SSBP1: variants seen among roughly 807,000 people sequenced by gnomAD.
SSBP1 encodes single stranded DNA binding protein 1.
SSBP1 carries 20 observed loss-of-function variants against 27.0 expected under a neutral mutation model. That is an observed-to-expected ratio of 0.74 (90% CI 0.52 to 1.08). The LOEUF is 1.08. Among genes scored for constraint, SSBP1 ranks in the 50% least tolerant of loss-of-function variants. SSBP1 has a pLI of 0.00. For synonymous variants in SSBP1, 59 were observed against 59.3 expected (o/e 1.00, Z 0.02); for missense variants, 137 against 182.4 (o/e 0.75, Z 1.44).
chr7:141,743,081 C>G (rs970405265), intron 3 of SSBP1, among the ~76,000 whole-genome samples: 1 of 152,188 alleles, frequency 6.6e-6, no homozygotes, highest in African/African-American at 2.4e-5. Context: ...TCTCTCTCTC[C>G]TGACCTTGTG....
At chr7:141,745,701 T>G in intron 6 of SSBP1, 117 bp downstream of exon 6, 1 of 1,457,274 alleles carries the variant, frequency 6.9e-7, no homozygotes, top group Non-Finnish European at 9.1e-7. Context: ...TTAAGGCAAC[T>G]CACTAGAAGA....
chr7:141,747,206 C>CT (rs940292605), intron 6 of SSBP1, among the ~76,000 whole-genome samples: 4 of 151,832 alleles, frequency 2.6e-5, no homozygotes, highest in African/African-American at 9.7e-5. Context: ...ATAGATGGTG[C>CT]TTTTTTCACT....
rs1799758291 is a variant in SSBP1, at chr7:141,745,735, C to T, written c.403+151C>T. 12 of 1,381,182 alleles carry T rather than the reference C, an allele frequency of 8.7e-6. No homozygotes were observed. In the South Asian group the frequency reaches 2.0e-4, roughly 23 times the overall value. 85.6% of individuals were successfully genotyped at this position (1,381,182 alleles called of 1,614,324 possible). ...GATGTCCATAACTCTTATTTCTCTA[C>T]TTGCTAAGAGTTTGTACATTTATCC... On this transcript the variant is annotated intron_variant, in intron 6 of 6. Transcript: ENST00000265304.
intron 2 of SSBP1, chr7:141,740,359 C>T (rs1021855748): frequency 6.6e-6 from 1 of 152,222 alleles, no homozygotes; most frequent in South Asian, 2.1e-4. Context: ...GGCTAGCTCT[C>T]TGAGCTCTGA....
chr7:141,743,868 C>A, intron 4 of SSBP1, 34 bp from the exon 5 acceptor site: 1 of 1,591,054 alleles, frequency 6.3e-7, no homozygotes. Flanking sequence ...TGTCTGTTGG[C>A]ATTTGTAACC....
intron 6 of SSBP1, 47 bp from the exon 7 acceptor site, chr7:141,750,264 G>C (rs1206414187): frequency 7.3e-7 from 1 of 1,370,720 alleles, no homozygotes; most frequent in East Asian, 2.3e-5. Flanking sequence ...TGAATGAGAT[G>C]GAGAAAGAGT....
chr7:141,742,940 T>C lies in SSBP1; in HGVS notation c.86-621T>C, dbSNP rs562662598. On this transcript the variant is annotated intron_variant, in intron 3 of 6. Coordinates refer to ENST00000265304, the MANE Select transcript of SSBP1 (RefSeq NM_003143.3). ...CGCGGTCTCCGCTCACTGCAAACTCTGCCTCCCGGGTTCATGCCATTCTCC... is the reference window on the plus strand; with the variant it reads ...CGCGGTCTCCGCTCACTGCAAACTCCGCCTCCCGGGTTCATGCCATTCTCC... Among the ~76,000 whole-genome samples the C allele has an allele frequency of 9.8e-5, 15 of 152,310 alleles. No homozygotes were observed. The East Asian group carries it at 1.4e-3, about 14-fold the overall frequency.
rs993042220 is a variant in SSBP1, at chr7:141,747,087, A to G, written c.403+1503A>G. On this transcript the variant is annotated intron_variant, in intron 6 of 6. Transcript: ENST00000265304. Reference sequence around the variant, plus strand: ...ACTTTAAAATATTTAAAAGAATTCTATGACAAATTCTTCTCAATTGACTTA... The same window carrying G: ...ACTTTAAAATATTTAAAAGAATTCTGTGACAAATTCTTCTCAATTGACTTA... Among the ~76,000 whole-genome samples the G allele has an allele frequency of 8.4e-4, 128 of 152,194 alleles. 2 individuals carry two copies. Among genetic ancestry groups the G allele is most frequent in the African/African-American group, 3.0e-3 (126 of 41,452 alleles).
intron 6 of SSBP1, among the ~76,000 whole-genome samples, chr7:141,746,832 A>G (rs1799809447): frequency 6.6e-6 from 1 of 152,214 alleles, no homozygotes; most frequent in Non-Finnish European, 1.5e-5. Context: ...TCAATACAAA[A>G]TTGTGTTATT....
chr7:141,749,915 G>A (rs1457232006), intron 6 of SSBP1, among the ~76,000 whole-genome samples: 1 of 152,134 alleles, frequency 6.6e-6, no homozygotes, highest in Non-Finnish European at 1.5e-5. Flanking sequence ...CTTTCCTCTA[G>A]ACCCCCAGAG....
At chr7:141,739,045 G>A in intron 1 of SSBP1, 79 bp from the exon 2 acceptor site, 1 of 750,982 alleles carries the variant, frequency 1.3e-6, no homozygotes, top group Non-Finnish European at 2.1e-6. Flanking sequence ...TATGAATATA[G>A]TTAGGAATTT....
At chr7:141,744,631 A>G (rs544705087) in intron 5 of SSBP1, among the ~76,000 whole-genome samples, 84 of 152,370 alleles carry the variant, frequency 5.5e-4, no homozygotes, top group Middle Eastern at 3.4e-3. Flanking sequence ...AACATATTTT[A>G]TGAAAAATAA....
In SSBP1 at chr7:141,743,462, A is replaced by T. The variant is rs189606461; in HGVS notation, c.86-99A>T. On this transcript the variant is annotated intron_variant, in intron 3 of 6. Transcript: ENST00000265304. Reference sequence around the variant, plus strand: ...GGATCCCACTTCCAAATACCATTACATTGAGGGTTAGAGCTTCAACATACA... The same window carrying T: ...GGATCCCACTTCCAAATACCATTACTTTGAGGGTTAGAGCTTCAACATACA... The T allele has an allele frequency of 6.4e-6, 9 of 1,397,696 alleles. No homozygotes were observed. The Admixed American group carries it at 1.0e-4, about 16-fold the overall frequency. The allele number at this position is 1,397,696 out of a possible 1,614,324, so 86.6% of individuals were successfully genotyped here.
At position 141,750,394 on chromosome 7, in the gene SSBP1, C is replaced by CCAA. The variant is rs1799918021; in HGVS notation, c.*40_*41insCAA. Reference sequence around the variant, plus strand: ...CTTTGGCCATCATTTGGTACAGTCTCATTTCCAAGTCATGTATAATCTTTA... The same window carrying CCAA: ...CTTTGGCCATCATTTGGTACAGTCTCCAAATTTCCAAGTCATGTATAATCTTTA... On this transcript the variant is annotated 3_prime_UTR_variant, in exon 7 of 7. Transcript: ENST00000265304. 6.6e-7 allele frequency: 1 copy of CCAA among 1,511,302 alleles called. No individual in the cohort carries two copies. Among genetic ancestry groups the CCAA allele is most frequent in the Admixed American group, 2.2e-5 (1 of 45,700 alleles). 93.6% of individuals were successfully genotyped at this position (1,511,302 alleles called of 1,614,324 possible).
intron 6 of SSBP1, among the ~76,000 whole-genome samples, chr7:141,748,017 A>AAAT (rs1223966676): frequency 1.3e-4 from 18 of 140,010 alleles, no homozygotes; most frequent in East Asian, 4.2e-4. Flanking sequence ...AAAAAAAAAA[A>AAAT]TTTTTTTTTT....
At chr7:141,742,261 A>AT (rs1799567056) in intron 3 of SSBP1, 32 bp downstream of exon 3, 2 of 1,515,086 alleles carry the variant, frequency 1.3e-6, no homozygotes, top group Non-Finnish European at 1.8e-6. Context: ...TTAAAATGTT[A>AT]TTTTTAGTAA....
intron 5 of SSBP1, 69 bp downstream of exon 5, chr7:141,744,058 C>A: frequency 7.2e-7 from 1 of 1,393,536 alleles, no homozygotes. Context: ...GTTCTCATGG[C>A]AAGGAGTGTG....
At position 141,750,393 on chromosome 7, in the gene SSBP1, T is replaced by C; in HGVS notation, c.*39T>C. ...TCTTTGGCCATCATTTGGTACAGTC[T>C]CATTTCCAAGTCATGTATAATCTTT... On this transcript the variant is annotated 3_prime_UTR_variant, in exon 7 of 7. Transcript: ENST00000265304. 1.3e-6 allele frequency: 2 copies of C among 1,525,464 alleles called. No individual in the cohort carries two copies. Among genetic ancestry groups the C allele is most frequent in the South Asian group, 2.5e-5 (2 of 80,792 alleles). 94.5% of individuals were successfully genotyped at this position (1,525,464 alleles called of 1,614,324 possible). A position where few individuals can be genotyped will look rare whatever the true frequency, so the allele number is the denominator to read the frequency against.
At chr7:141,744,462 T>A (rs886138034) in intron 5 of SSBP1, among the ~76,000 whole-genome samples, 2 of 152,238 alleles carry the variant, frequency 1.3e-5, no homozygotes, top group Admixed American at 6.5e-5. Context: ...TTATATTTGA[T>A]GATTTTCTGT....
Sources: allele counts gnomAD v4.1 joint callset (sites outside exome capture counted in the v4.1 genomes callset), GRCh38; gene constraint gnomAD v4.1.1; transcripts MANE v1.5; gene names NCBI Gene and HGNC (gene_info 2026-07-23, HGNC 2026-07-21).